The following CDC123 variants were observed in gnomAD, a reference collection of about 807,000 sequenced individuals.
CDC123 encodes cell division cycle 123.
A neutral mutation model predicts 54.4 loss-of-function variants in CDC123; 37 were observed. The observed-to-expected ratio is 0.68, with a 90% CI of 0.52 to 0.89. CDC123 has a LOEUF of 0.89. Ranked by LOEUF, CDC123 falls within the 40% of genes least tolerant of loss-of-function variation. The pLI is 0.00. For missense variants in CDC123, 361 were observed against 412.1 expected, an observed-to-expected ratio of 0.88 and a Z score of 1.07; for synonymous variants, 144 against 136.8, an observed-to-expected ratio of 1.05 and a Z score of -0.37.
At chr10:12,208,062 A>G (rs1055402168) in intron 2 of CDC123, among the ~76,000 whole-genome samples, 6 of 151,972 alleles carry the variant, frequency 3.9e-5, no homozygotes, top group African/African-American at 1.2e-4. Flanking sequence ...TCTTTCTTCT[A>G]TGGTTGATTC....
At chr10:12,217,161 C>T (rs1332323172) in intron 5 of CDC123, among the ~76,000 whole-genome samples, 200 bp from the exon 6 acceptor site, 2 of 152,182 alleles carry the variant, frequency 1.3e-5, no homozygotes, top group Admixed American at 1.3e-4. Flanking sequence ...TCTCAGTGTT[C>T]ATAACCAAGT....
At chr10:12,238,720 T>C (rs1042257885) in intron 10 of CDC123, among the ~76,000 whole-genome samples, 1 of 149,838 alleles carries the variant, frequency 6.7e-6, no homozygotes, top group South Asian at 2.1e-4. Context: ...TACTAAAAAT[T>C]AAAAAAAAAT....
At chr10:12,211,257 G>A (rs1174178063) in intron 4 of CDC123, among the ~76,000 whole-genome samples, 3 of 151,736 alleles carry the variant, frequency 2.0e-5, no homozygotes, top group African/African-American at 7.3e-5. Flanking sequence ...TGACGGGAAA[G>A]TTTTTAGTGA....
At chr10:12,240,784 C>A (rs528064411) in intron 10 of CDC123, among the ~76,000 whole-genome samples, 1 of 152,078 alleles carries the variant, frequency 6.6e-6, no homozygotes, top group Non-Finnish European at 1.5e-5. Flanking sequence ...TTGGGAGGAT[C>A]GCTTGAGACT....
chr10:12,249,870 A>T lies in CDC123; in HGVS notation c.984+152A>T, dbSNP rs79096330. On this transcript the variant is annotated intron_variant, in intron 12 of 12. Coordinates refer to ENST00000281141, the MANE Select transcript of CDC123 (RefSeq NM_006023.3). ...ACTGAGTTAGAGCATTTTCTAATTAAATATGAAATAGGAGCTGAAGGCATA... is the reference window on the plus strand; with the variant it reads ...ACTGAGTTAGAGCATTTTCTAATTATATATGAAATAGGAGCTGAAGGCATA... 607 of 1,014,238 alleles carry T rather than the reference A, an allele frequency of 6.0e-4. 7 individuals carry two copies. The East Asian group carries it at 0.015, about 25-fold the overall frequency. 62.8% of individuals were successfully genotyped at this position (1,014,238 alleles called of 1,614,324 possible). A position where few individuals can be genotyped will look rare whatever the true frequency, so the allele number is the denominator to read the frequency against.
chr10:12,238,600 G>A, intron 10 of CDC123, 115 bp downstream of exon 10: 1 of 1,274,300 alleles, frequency 7.8e-7, no homozygotes, highest in Middle Eastern at 2.3e-4. Flanking sequence ...TTTTGTCTGG[G>A]TGCAGCAGCT....
intron 8 of CDC123, among the ~76,000 whole-genome samples, chr10:12,235,815 C>T (rs999648620): frequency 2.0e-5 from 3 of 152,098 alleles, no homozygotes; most frequent in South Asian, 4.1e-4. Flanking sequence ...TCATATTGCT[C>T]GATATTCTTG....
intron 10 of CDC123, among the ~76,000 whole-genome samples, chr10:12,244,234 T>G (rs1836097695): frequency 6.6e-6 from 1 of 152,214 alleles, no homozygotes; most frequent in Non-Finnish European, 1.5e-5. Context: ...TCTTGTTGCT[T>G]GGAATTTCAC....
At chr10:12,226,740 C>T (rs1367498353) in intron 6 of CDC123, among the ~76,000 whole-genome samples, 4 of 150,988 alleles carry the variant, frequency 2.6e-5, no homozygotes, top group African/African-American at 4.9e-5. Flanking sequence ...GACGGGATGG[C>T]GGCCGGGAAG....
intron 6 of CDC123, among the ~76,000 whole-genome samples, chr10:12,226,875 A>G (rs1204812025): frequency 3.3e-5 from 5 of 152,276 alleles, no homozygotes; most frequent in Admixed American, 2.0e-4. Context: ...AGAGGCTGCA[A>G]TCTCGGCACT....
intron 10 of CDC123, among the ~76,000 whole-genome samples, chr10:12,241,596 C>G (rs965689761): frequency 6.6e-6 from 1 of 152,056 alleles, no homozygotes; most frequent in South Asian, 2.1e-4. Flanking sequence ...ATGCCTGTTG[C>G]GTTTACAGAC....
intron 4 of CDC123, among the ~76,000 whole-genome samples, chr10:12,212,284 T>C (rs557902513): frequency 6.6e-6 from 1 of 152,146 alleles, no homozygotes; most frequent in South Asian, 2.1e-4. Context: ...CTAAACAAAA[T>C]TGAAGCTTCT....
chr10:12,224,310 T>C (rs1835777038), intron 6 of CDC123, among the ~76,000 whole-genome samples: 2 of 151,994 alleles, frequency 1.3e-5, no homozygotes, highest in African/African-American at 2.4e-5. Flanking sequence ...TTTCTTTCCT[T>C]TCTAAAAATT....
chr10:12,219,221 T>G (rs1407984888), intron 6 of CDC123, among the ~76,000 whole-genome samples: 1 of 152,226 alleles, frequency 6.6e-6, no homozygotes, highest in Non-Finnish European at 1.5e-5. Context: ...ATTATATTAA[T>G]TCAAGAAAGG....
intron 6 of CDC123, among the ~76,000 whole-genome samples, chr10:12,225,964 T>C (rs1027388752): frequency 6.6e-6 from 1 of 151,914 alleles, no homozygotes; most frequent in Non-Finnish European, 1.5e-5. Flanking sequence ...GTGATGACTC[T>C]TAAGGAGCAT....
intron 9 of CDC123, among the ~76,000 whole-genome samples, chr10:12,237,809 T>C (rs988990526): frequency 6.6e-6 from 1 of 152,182 alleles, no homozygotes; most frequent in African/African-American, 2.4e-5. Context: ...AGATGTTTGA[T>C]TGTGTATTTC....
intron 4 of CDC123, among the ~76,000 whole-genome samples, chr10:12,215,091 G>A (rs1246629725): frequency 6.6e-6 from 1 of 151,978 alleles, no homozygotes; most frequent in South Asian, 2.1e-4. Context: ...ATTCACTTCC[G>A]GGTCGAAACA....
At chr10:12,196,589 C>T (rs1835352323) in intron 1 of CDC123, among the ~76,000 whole-genome samples, 1 of 152,136 alleles carries the variant, frequency 6.6e-6, no homozygotes, top group African/African-American at 2.4e-5. Context: ...ACCACCACTA[C>T]TTTTAGAATG....
intron 10 of CDC123, among the ~76,000 whole-genome samples, chr10:12,244,390 A>C (rs1485322441): frequency 2.6e-5 from 4 of 152,252 alleles, no homozygotes; most frequent in African/African-American, 9.6e-5. Context: ...ACATCCATCC[A>C]CTTCGTGTCA....
Sources: allele counts gnomAD v4.1 joint callset (sites outside exome capture counted in the v4.1 genomes callset), GRCh38; gene constraint gnomAD v4.1.1; transcripts MANE v1.5; gene names NCBI Gene and HGNC (gene_info 2026-07-23, HGNC 2026-07-21).